The following CYP2B6 variants were observed in gnomAD, a reference collection of about 807,000 sequenced individuals.
CYP2B6 encodes the protein cytochrome P450 family 2 subfamily B member 6.
CYP2B6 carries 35 observed loss-of-function variants against 43.4 expected under a neutral mutation model. The ratio of observed to expected loss-of-function variants is 0.81; its 90% CI spans 0.62 to 1.07. The LOEUF is 1.07. Among genes scored for constraint, CYP2B6 ranks in the 50% least tolerant of loss-of-function variants. The pLI, the probability that CYP2B6 is intolerant of heterozygous loss-of-function variation, is 0.00. For missense variants in CYP2B6, 624 were observed against 632.8 expected, an observed-to-expected ratio of 0.99 and a Z score of 0.15; for synonymous variants, 239 against 239.2, an observed-to-expected ratio of 1.00 and a Z score of 0.01.
Position 41,009,983 on chromosome 19 carries a change from T to C in CYP2B6, c.823-11T>C. 6 of 1,614,090 alleles carry C rather than the reference T, an allele frequency of 3.7e-6. No homozygotes were observed. The highest frequency in any genetic ancestry group is 2.2e-5 in the East Asian group (1 of 44,874). On this transcript the variant is annotated splice_polypyrimidine_tract_variant and intron_variant, in intron 5 of 8. Transcript: ENST00000324071. ...CCTGACCCTCCCCTTCCTTCCCTAC[T>C]GTGGACGCAGGAGAAATCCAACGCA...
intron 4 of CYP2B6, 92 bp downstream of exon 4, chr19:41,007,157 A>G: frequency 1.6e-6 from 2 of 1,281,310 alleles, no homozygotes; most frequent in Middle Eastern, 1.9e-4. Flanking sequence ...GGGCTCAGAA[A>G]TGCAGCTTAT....
Position 41,003,954 on chromosome 19 carries a change from G to T in CYP2B6, c.172-47G>T, listed in dbSNP as rs1304465319. The T allele has an allele frequency of 1.9e-6, 3 of 1,591,092 alleles. No homozygotes were observed. In the South Asian group the frequency reaches 3.3e-5, roughly 18 times the overall value. On this transcript the variant is annotated intron_variant, in intron 1 of 8. Coordinates refer to ENST00000324071, the MANE Select transcript of CYP2B6 (RefSeq NM_000767.5). ...AGTATTTTGATAGTTTTACAAATGA[G>T]GTGTATGCTGACTAACAGCCACCCC... is the stretch of plus-strand genomic sequence containing the variant.
At chr19:41,010,435 A>T (rs1969265148) in intron 6 of CYP2B6, among the ~76,000 whole-genome samples, 1 of 143,526 alleles carries the variant, frequency 7.0e-6, no homozygotes. Flanking sequence ...CTTTTTTGAG[A>T]CAGAGTCTCG....
intron 8 of CYP2B6, 128 bp downstream of exon 8, chr19:41,012,943 C>T: frequency 9.3e-7 from 1 of 1,080,330 alleles, no homozygotes; most frequent in Non-Finnish European, 1.4e-6. Flanking sequence ...CCTGCCTTAT[C>T]CCATTCCATC....
chr19:41,017,038 A>G lies in CYP2B6; in HGVS notation c.*211A>G. ...AAAATTATAATATACAAAATCATATATATATATATGTTCTTGTTTTTTGAG... is the reference window on the plus strand; with the variant it reads ...AAAATTATAATATACAAAATCATATGTATATATATGTTCTTGTTTTTTGAG... On this transcript the variant is annotated 3_prime_UTR_variant, in exon 9 of 9. Coordinates refer to ENST00000324071, the MANE Select transcript of CYP2B6 (RefSeq NM_000767.5). 2.1e-6 allele frequency: 1 copy of G among 478,890 alleles called. No individual in the cohort carries two copies. The highest frequency in any genetic ancestry group is 3.8e-6 in the Non-Finnish European group (1 of 264,688). 29.7% of individuals were successfully genotyped at this position (478,890 alleles called of 1,614,324 possible).
In CYP2B6 at chr19:41,016,693, C is replaced by T; in HGVS notation, c.1342C>T (p.Leu448Phe). ...AGGCATCGCCCGTGCGGAATTGTTCCTCTTCTTCACCACCATCCTCCAGAA... is the reference window on the plus strand; with the variant it reads ...AGGCATCGCCCGTGCGGAATTGTTCTTCTTCTTCACCACCATCCTCCAGAA... ...GEGIARAELF[L>F]FFTTILQNFS... is the part of the protein sequence containing the mutation. The change falls in exon 9 of 9, where the codon CTC becomes TTC. Residue 448 changes from leucine (L) to phenylalanine (F), a missense_variant. Physicochemically the swap from Leu to Phe is conservative, Grantham distance 22. Transcript: ENST00000324071. 6.2e-7 allele frequency: 1 copy of T among 1,614,246 alleles called. No individual in the cohort carries two copies. The highest frequency in any genetic ancestry group is 8.5e-7 in the Non-Finnish European group (1 of 1,180,042).
At chr19:40,994,676 C>A (rs1319459977) in intron 1 of CYP2B6, among the ~76,000 whole-genome samples, 1 of 152,004 alleles carries the variant, frequency 6.6e-6, no homozygotes, top group Non-Finnish European at 1.5e-5. Flanking sequence ...GCCCACACCC[C>A]CATAGGTAGT....
Position 41,006,919 on chromosome 19 carries a change from C to A in CYP2B6, c.499C>A (p.Pro167Thr). 2 of 1,613,702 alleles carry A rather than the reference C, an allele frequency of 1.2e-6. No individual in the cohort carries two copies. The highest frequency in any genetic ancestry group is 1.7e-6 in the Non-Finnish European group (2 of 1,180,012). The change falls in exon 4 of 9, where the codon CCC (proline) becomes ACC (threonine). Residue 167 changes from proline to threonine, a missense_variant. Pro to Thr is a conservative substitution (Grantham distance 38). Transcript: ENST00000324071. Reference sequence around the variant, plus strand: ...CTTCTTCCTAGGGGCCCTCATGGACCCCACCTTCCTCTTCCAGTCCATTAC... The same window carrying A: ...CTTCTTCCTAGGGGCCCTCATGGACACCACCTTCCTCTTCCAGTCCATTAC... ...LRKSKGALMD[P>T]TFLFQSITAN...
chr19:40,992,483 A>G (rs973863296), intron 1 of CYP2B6, among the ~76,000 whole-genome samples: 2 of 152,050 alleles, frequency 1.3e-5, no homozygotes, highest in African/African-American at 4.8e-5. Context: ...TAATGAGCCC[A>G]CTGGATGTAC....
At chr19:41,016,394 C>A (rs1969362869) in intron 8 of CYP2B6, among the ~76,000 whole-genome samples, 2 of 76,374 alleles carry the variant, frequency 2.6e-5, no homozygotes, top group African/African-American at 5.4e-5. Context: ...AGAGAGACTC[C>A]ATCTCAAAAA....
At chr19:41,000,999 A>T (rs2144663837) in intron 1 of CYP2B6, among the ~76,000 whole-genome samples, 1 of 152,152 alleles carries the variant, frequency 6.6e-6, no homozygotes, top group Non-Finnish European at 1.5e-5. Context: ...AGATTGCATC[A>T]TTGCACTCCA....
At chr19:40,998,204 T>A (rs561440385) in intron 1 of CYP2B6, among the ~76,000 whole-genome samples, 1 of 152,200 alleles carries the variant, frequency 6.6e-6, no homozygotes, top group East Asian at 1.9e-4. Context: ...CTGAACCTTC[T>A]CTCTAAGGGT....
chr19:40,996,416 G>A (rs180779053), intron 1 of CYP2B6, among the ~76,000 whole-genome samples: 11 of 152,090 alleles, frequency 7.2e-5, no homozygotes, highest in Admixed American at 2.6e-4. Flanking sequence ...TTTTATCTAC[G>A]GTTATGGCAT....
intron 1 of CYP2B6, among the ~76,000 whole-genome samples, chr19:41,001,920 T>G (rs576416951): frequency 5.1e-5 from 7 of 137,168 alleles, no homozygotes; most frequent in African/African-American, 2.0e-4. Context: ...TTAGATTGAG[T>G]GGTTAGGGGA....
At chr19:41,013,348 G>A (rs1434661056) in intron 8 of CYP2B6, among the ~76,000 whole-genome samples, 1 of 152,196 alleles carries the variant, frequency 6.6e-6, no homozygotes, top group African/African-American at 2.4e-5. Context: ...GTGCTCTAAA[G>A]GGAGCTTTGG....
chr19:41,004,349 G>A lies in CYP2B6; in HGVS notation c.387G>A (p.Val129=). The change falls in exon 3 of 9, where the codon GTG becomes GTA. Residue 129 remains valine (V), a synonymous_variant. Coordinates refer to ENST00000324071, the MANE Select transcript of CYP2B6 (RefSeq NM_000767.5). ...GGAAGGTGCTTCGGCGATTCTCTGT[G>A]ACCACTATGAGGGACTTCGGGATGG... ...NRWKVLRRFS[V]TTMRDFGMGK... is the part of the protein sequence containing the mutation. The A allele has an allele frequency of 1.2e-6, 2 of 1,614,028 alleles. No homozygotes were observed. Among genetic ancestry groups the A allele is most frequent in the Non-Finnish European group, 1.7e-6 (2 of 1,180,018 alleles).
At chr19:40,992,609 C>T (rs1221790499) in intron 1 of CYP2B6, among the ~76,000 whole-genome samples, 5 of 151,990 alleles carry the variant, frequency 3.3e-5, no homozygotes, top group African/African-American at 1.2e-4. Context: ...GCCTTGACCT[C>T]CCAAGGCTCA....
At chr19:40,997,065 C>T (rs10409285) in intron 1 of CYP2B6, among the ~76,000 whole-genome samples, 44,960 of 151,566 alleles carry the variant, frequency 0.3, 7,189 homozygotes, top group South Asian at 0.4. Context: ...TGGGTACCTG[C>T]CTGCCACTGA....
chr19:41,001,808 A>G (rs1456402826), intron 1 of CYP2B6, among the ~76,000 whole-genome samples: 1 of 152,196 alleles, frequency 6.6e-6, no homozygotes, highest in Non-Finnish European at 1.5e-5. Context: ...CCATTGGCAG[A>G]GACAGATAAG....
Sources: gnomAD v4.1 joint callset for allele counts (sites outside exome capture counted in the v4.1 genomes callset) on GRCh38, gnomAD v4.1.1 for gene constraint, MANE v1.5 for transcripts, NCBI Gene and HGNC (gene_info 2026-07-23, HGNC 2026-07-21) for gene names.